The following F8 variants were observed in gnomAD, a reference collection of about 807,000 sequenced individuals.
F8 encodes antihemophilic factor.
F8 carries 12 observed loss-of-function variants against 140.6 expected under a neutral mutation model. The ratio of observed to expected loss-of-function variants is 0.09; its 90% CI spans 0.05 to 0.14. F8 has a LOEUF of 0.14. Among genes scored for constraint, F8 ranks in the 10% least tolerant of loss-of-function variants. The pLI is 1.00. For missense variants in F8, 1,354 were observed against 1,720.7 expected, an observed-to-expected ratio of 0.79 and a Z score of 3.77; for synonymous variants, 585 against 614.6, an observed-to-expected ratio of 0.95 and a Z score of 0.71.
chrX:154,966,802 G>C, intron 7 of F8, 115 bp from the exon 8 acceptor site: 3 of 930,297 alleles, frequency 3.2e-6, no homozygotes, highest in Non-Finnish European at 4.5e-6. Context: ...GTTTCTGCAG[G>C]CTATATGGGA....
At chrX:154,988,326 G>T (rs782649193) in intron 4 of F8, among the ~76,000 whole-genome samples, 96 of 111,946 alleles carry the variant, frequency 8.6e-4, no homozygotes, top group African/African-American at 3.0e-3. Context: ...CAGGTAAGGG[G>T]TGCCTTGACT....
Position 154,966,565 on chromosome X carries a change from T to A in F8, c.1132A>T (p.Arg378Trp). ...GAAGGAGAGTTGTCATCATCAAACCTGACCACATCCATTTCAGAATCAGTA... is the reference window on the plus strand; with the variant it reads ...GAAGGAGAGTTGTCATCATCAAACCAGACCACATCCATTTCAGAATCAGTA... ...DLTDSEMDVV[R>W]FDDDNSPSFI... is the part of the protein sequence containing the mutation. The change falls in exon 8 of 26, where the codon AGG (arginine) becomes TGG (tryptophan). Residue 378 changes from arginine to tryptophan, a missense_variant. Physicochemically the swap from Arg to Trp is moderately radical, Grantham distance 101. This residue lies in a region of F8 where 252 missense variants were observed against 338.5 expected (regional missense o/e 0.74). Coordinates refer to ENST00000360256, the MANE Select transcript of F8 (RefSeq NM_000132.4). 8.3e-7 allele frequency: 1 copy of A among 1,211,810 alleles called. No homozygotes were observed. The highest frequency in any genetic ancestry group is 1.1e-6 in the Non-Finnish European group (1 of 895,465).
chrX:154,890,698 A>T (rs782072400), intron 22 of F8, among the ~76,000 whole-genome samples: 19 of 112,517 alleles, frequency 1.7e-4, no homozygotes, highest in Non-Finnish European at 2.8e-4. Context: ...ACATTAACTC[A>T]AGGCAACACA....
intron 23 of F8, 78 bp downstream of exon 23, chrX:154,863,005 A>C (rs2072705107): frequency 9.2e-7 from 1 of 1,085,386 alleles, no homozygotes; most frequent in Non-Finnish European, 1.3e-6. Context: ...CCCCTCCCCC[A>C]GTCTCAGGAT....
chrX:154,969,890 C>T (rs1384975217), intron 6 of F8, among the ~76,000 whole-genome samples: 1 of 111,749 alleles, frequency 8.9e-6, no homozygotes, highest in African/African-American at 3.3e-5. Flanking sequence ...TCTTCTGTCT[C>T]CCCTGCTGAC....
chrX:154,930,305 A>C lies in F8; in HGVS notation c.3485T>G (p.Phe1162Cys). ...TACCACTTTGTTTTTCTCAGACAAG[A>C]AATTCTGACCTTCCACAGATTTTTC... ...GPEKSVEGQN[F>C]LSEKNKVVVG... is the part of the protein sequence containing the mutation. The change falls in exon 14 of 26, where the codon TTC becomes TGC. Residue 1162 changes from phenylalanine to cysteine, a missense_variant. This residue lies in a region of F8 where 658 missense variants were observed against 666.5 expected (regional missense o/e 0.99). Transcript: ENST00000360256. 1 of 1,211,856 alleles carries C rather than the reference A, an allele frequency of 8.3e-7. No individual in the cohort carries two copies. The highest frequency in any genetic ancestry group is 1.8e-5 in the South Asian group (1 of 56,989).
At chrX:154,958,237 C>A (rs151002986) in intron 10 of F8, among the ~76,000 whole-genome samples, 1 of 112,065 alleles carries the variant, frequency 8.9e-6, no homozygotes, top group East Asian at 2.8e-4. Flanking sequence ...GCTCTTCTTA[C>A]TTCCAGTGAT....
At position 154,928,579 on chromosome X, in the gene F8, T is replaced by C. The variant is rs1557278252; in HGVS notation, c.5211A>G (p.Leu1737=). 3 of 1,208,057 alleles carry C rather than the reference T, an allele frequency of 2.5e-6. No homozygotes were observed. In the Admixed American group the frequency reaches 6.5e-5, roughly 26 times the overall value. The change falls in exon 14 of 26, where the codon CTA becomes CTG. Residue 1737 remains leucine, a synonymous_variant. Transcript: ENST00000360256. ...AACCAATGCATTCATACCTGTTTCTTAGAACATGTGGGGAGCTACTCATCC... is the reference window on the plus strand; with the variant it reads ...AACCAATGCATTCATACCTGTTTCTCAGAACATGTGGGGAGCTACTCATCC... The part of the protein sequence containing the change: ...DYGMSSSPHV[L]RNRAQSGSVP...
intron 5 of F8, among the ~76,000 whole-genome samples, 194 bp from the exon 6 acceptor site, chrX:154,984,997 T>C (rs2073551405): frequency 8.9e-6 from 1 of 112,171 alleles, no homozygotes; most frequent in Non-Finnish European, 1.9e-5. Context: ...CAGACATCTC[T>C]TGCTCAAACT....
intron 1 of F8, 118 bp downstream of exon 1, chrX:155,022,292 T>G: frequency 3.9e-6 from 3 of 767,513 alleles, no homozygotes; most frequent in Non-Finnish European, 6.0e-6. Flanking sequence ...CCAGAAATGT[T>G]TCTTTGGGGC....
At chrX:154,981,018 C>A (rs1160926430) in intron 6 of F8, among the ~76,000 whole-genome samples, 9 of 112,030 alleles carry the variant, frequency 8.0e-5, no homozygotes, top group African/African-American at 2.9e-4. Flanking sequence ...CGAGAGGGCG[C>A]CCTGAGCCCA....
chrX:154,981,505 C>G (rs1391220703), intron 6 of F8, among the ~76,000 whole-genome samples: 1 of 109,156 alleles, frequency 9.2e-6, no homozygotes, highest in East Asian at 2.9e-4. Flanking sequence ...CAGTCAGCAC[C>G]TTTTCTTATA....
At chrX:154,932,353 A>T (rs1257160032) in intron 13 of F8, among the ~76,000 whole-genome samples, 1 of 112,416 alleles carries the variant, frequency 8.9e-6, no homozygotes, top group Non-Finnish European at 1.9e-5. Context: ...TTCTACCATG[A>T]ACAAGATTAG....
At chrX:155,001,565 T>C (rs1392935735) in intron 1 of F8, among the ~76,000 whole-genome samples, 4 of 110,873 alleles carry the variant, frequency 3.6e-5, no homozygotes, top group Non-Finnish European at 7.6e-5. Flanking sequence ...GCTGGGATTA[T>C]AGGCATGAGG....
chrX:154,983,177 T>C (rs909352734), intron 6 of F8, among the ~76,000 whole-genome samples: 17 of 112,414 alleles, frequency 1.5e-4, no homozygotes, highest in African/African-American at 5.2e-4. Context: ...GTGTTTATAA[T>C]TTTTATGAGC....
chrX:154,843,561 T>C (rs2072539428), intron 25 of F8, among the ~76,000 whole-genome samples: 1 of 112,597 alleles, frequency 8.9e-6, no homozygotes, highest in Admixed American at 9.4e-5. Context: ...ATGAGCATTT[T>C]TTCATGTATC....
At chrX:154,976,408 T>C (rs1332538194) in intron 6 of F8, among the ~76,000 whole-genome samples, 18 of 111,215 alleles carry the variant, frequency 1.6e-4, no homozygotes, top group Non-Finnish European at 3.4e-4. Flanking sequence ...ACCCTATGTC[T>C]TTTTTTAAAT....
At chrX:154,992,598 A>C (rs2073594165) in intron 4 of F8, among the ~76,000 whole-genome samples, 1 of 112,169 alleles carries the variant, frequency 8.9e-6, no homozygotes, top group Non-Finnish European at 1.9e-5. Flanking sequence ...TGAAGTTTTC[A>C]AGGAACCTAG....
At position 154,902,258 on chromosome X, in the gene F8, C is replaced by G. The variant is rs976567027; in HGVS notation, c.5999-91G>C. The G allele has an allele frequency of 5.7e-6, 4 of 696,112 alleles. No individual in the cohort carries two copies. The African/African-American group carries it at 8.5e-5, about 15-fold the overall frequency. The allele number at this position is 696,112 out of a possible 1,213,427, so 57.4% of individuals were successfully genotyped here. On this transcript the variant is annotated intron_variant, in intron 18 of 25. Coordinates refer to ENST00000360256, the MANE Select transcript of F8 (RefSeq NM_000132.4). Reference sequence around the variant, plus strand: ...GTTTATGCGAAATATCAGAGTAGACCTACCAAATTTGGTAGTTCCACTACT... The same window carrying G: ...GTTTATGCGAAATATCAGAGTAGACGTACCAAATTTGGTAGTTCCACTACT...
Sources: gnomAD v4.1 joint callset for allele counts (sites outside exome capture counted in the v4.1 genomes callset) on GRCh38, gnomAD v4.1.1 for gene constraint, gnomAD v4.1.1 regional missense constraint, MANE v1.5 for transcripts, NCBI Gene and HGNC (gene_info 2026-07-23, HGNC 2026-07-21) for gene names.